The following TMEM117 variants were observed in gnomAD, a reference collection of about 807,000 sequenced individuals.
TMEM117 encodes transmembrane protein 117.
In TMEM117, 27 loss-of-function variants were observed where a neutral mutation model predicts 52.4. That is an observed-to-expected ratio of 0.51 (90% CI 0.38 to 0.71). TMEM117 has a LOEUF of 0.71. TMEM117 is among the 30% of genes least tolerant of loss of function. TMEM117 has a pLI of 0.00. For missense variants in TMEM117, 556 were observed against 630.5 expected (o/e 0.88, Z 1.26); for synonymous variants, 215 against 206.3 (o/e 1.04, Z -0.36).
intron 2 of TMEM117, among the ~76,000 whole-genome samples, chr12:43,852,098 A>C (rs1943318515): frequency 6.6e-6 from 1 of 150,756 alleles, no homozygotes; most frequent in Non-Finnish European, 1.5e-5. Context: ...AGAGATCAAG[A>C]CCATCCTGGC....
chr12:44,010,651 A>G (rs2137806460), intron 3 of TMEM117, among the ~76,000 whole-genome samples: 1 of 152,304 alleles, frequency 6.6e-6, no homozygotes, highest in South Asian at 2.1e-4. Flanking sequence ...GAATATTACC[A>G]TGCTTGTTTT....
chr12:44,328,602 T>C (rs771232993), intron 6 of TMEM117, among the ~76,000 whole-genome samples: 2 of 152,108 alleles, frequency 1.3e-5, no homozygotes, highest in Non-Finnish European at 1.5e-5. Flanking sequence ...ATATAACTTA[T>C]AACTAAAAGA....
intron 6 of TMEM117, among the ~76,000 whole-genome samples, chr12:44,308,258 C>G (rs1950928389): frequency 6.6e-6 from 1 of 152,136 alleles, no homozygotes; most frequent in East Asian, 1.9e-4. Flanking sequence ...TTTTTCAAAG[C>G]CATCCTGAAG....
chr12:43,950,032 TCTATCCA>T (rs1392139721), intron 3 of TMEM117, among the ~76,000 whole-genome samples: 2 of 152,208 alleles, frequency 1.3e-5, no homozygotes, highest in African/African-American at 4.8e-5. Context: ...TGCCTCAACT[TCTATCCA>T]CTTTGATTTA....
chr12:44,131,843 T>C (rs1948418487), intron 3 of TMEM117, among the ~76,000 whole-genome samples: 1 of 152,166 alleles, frequency 6.6e-6, no homozygotes, highest in South Asian at 2.1e-4. Context: ...TTTTAGGTAT[T>C]TTTATAGCAG....
chr12:44,250,765 G>A (rs557400782), intron 5 of TMEM117, among the ~76,000 whole-genome samples: 1 of 152,248 alleles, frequency 6.6e-6, no homozygotes, highest in African/African-American at 2.4e-5. Flanking sequence ...GCATGTTCTT[G>A]CTCCTAAGTG....
intron 6 of TMEM117, among the ~76,000 whole-genome samples, chr12:44,345,770 G>A (rs895985118): frequency 3.9e-5 from 6 of 152,068 alleles, no homozygotes; most frequent in African/African-American, 1.4e-4. Flanking sequence ...TATTTTGTAT[G>A]TACAGATGTA....
chr12:43,807,728 T>A, the TMEM117 span, among the ~76,000 whole-genome samples: 2 of 152,098 alleles, frequency 1.3e-5, no homozygotes, highest in Non-Finnish European at 2.9e-5. Flanking sequence ...GAGGAATGTC[T>A]AGTTAGGTTG....
At chr12:43,945,576 G>A (rs1945118941) in intron 3 of TMEM117, among the ~76,000 whole-genome samples, 1 of 152,124 alleles carries the variant, frequency 6.6e-6, no homozygotes, top group South Asian at 2.1e-4. Context: ...ACCCGCTTTG[G>A]CCTCCCAAAG....
intron 2 of TMEM117, among the ~76,000 whole-genome samples, chr12:43,874,657 C>T (rs1943762841): frequency 6.6e-6 from 1 of 152,076 alleles, no homozygotes; most frequent in South Asian, 2.1e-4. Flanking sequence ...TCTATTTTCC[C>T]CAACCATTTT....
chr12:43,982,698 C>G (rs1361877104), intron 3 of TMEM117, among the ~76,000 whole-genome samples: 1 of 152,122 alleles, frequency 6.6e-6, no homozygotes, highest in East Asian at 1.9e-4. Context: ...AGAACAAATT[C>G]CTCAGTCACA....
intron 1 of TMEM117, among the ~76,000 whole-genome samples, chr12:43,843,165 C>G (rs1280209883): frequency 6.6e-6 from 1 of 152,086 alleles, no homozygotes; most frequent in Non-Finnish European, 1.5e-5. Flanking sequence ...GTAAAGGACC[C>G]TCTTCCCCCT....
At chr12:44,131,764 C>A (rs1948417224) in intron 3 of TMEM117, among the ~76,000 whole-genome samples, 2 of 152,054 alleles carry the variant, frequency 1.3e-5, no homozygotes, top group Admixed American at 6.6e-5. Flanking sequence ...TATAGCTATA[C>A]CAAATTTTAT....
chr12:44,264,215 TG>T (rs1048319569), intron 5 of TMEM117, among the ~76,000 whole-genome samples: 2 of 152,204 alleles, frequency 1.3e-5, no homozygotes, highest in Non-Finnish European at 2.9e-5. Flanking sequence ...TCATCTTTGT[TG>T]TTTACCTGGA....
intron 2 of TMEM117, among the ~76,000 whole-genome samples, chr12:43,877,500 T>C (rs1403164167): frequency 6.6e-6 from 1 of 151,852 alleles, no homozygotes; most frequent in East Asian, 1.9e-4. Context: ...CTGGACATAG[T>C]GGTGGGCACC....
chr12:44,254,968 T>C (rs1041667933), intron 5 of TMEM117, among the ~76,000 whole-genome samples: 24 of 152,138 alleles, frequency 1.6e-4, no homozygotes, highest in African/African-American at 5.6e-4. Flanking sequence ...TTCATCCATG[T>C]CCCTAAAAAG....
At chr12:44,020,527 G>A (rs978619143) in intron 3 of TMEM117, among the ~76,000 whole-genome samples, 4 of 152,140 alleles carry the variant, frequency 2.6e-5, no homozygotes, top group Non-Finnish European at 5.9e-5. Flanking sequence ...GAATTTAAAG[G>A]ACTTCCCTAA....
At chr12:43,898,787 A>G (rs1194509938) in intron 2 of TMEM117, among the ~76,000 whole-genome samples, 5 of 152,162 alleles carry the variant, frequency 3.3e-5, no homozygotes, top group African/African-American at 1.2e-4. Flanking sequence ...TCCTGAACTG[A>G]TTCATTAGCA....
intron 2 of TMEM117, among the ~76,000 whole-genome samples, chr12:43,897,534 C>T (rs1401146690): frequency 6.6e-6 from 1 of 151,474 alleles, no homozygotes; most frequent in Non-Finnish European, 1.5e-5. Flanking sequence ...GATGGTGTCT[C>T]CATCTCTTGA....
Sources: allele counts gnomAD v4.1 joint callset (sites outside exome capture counted in the v4.1 genomes callset), GRCh38; gene constraint gnomAD v4.1.1; transcripts MANE v1.5; gene names NCBI Gene and HGNC (gene_info 2026-07-23, HGNC 2026-07-21).